Variants in ULK4 observed in about 807,000 individuals in gnomAD.
ULK4 encodes the protein unc-51 like kinase 4.
A neutral mutation model predicts 160.6 loss-of-function variants in ULK4; 133 were observed. That is an observed-to-expected ratio of 0.83 (90% CI 0.72 to 0.96). The LOEUF is 0.96. ULK4 is among the 40% of genes least tolerant of loss of function. The pLI, the probability that ULK4 is intolerant of heterozygous loss-of-function variation, is 0.00. For synonymous variants in ULK4, 534 were observed against 539.8 expected (o/e 0.99, Z 0.15); for missense variants, 1,580 against 1,499.5 (o/e 1.05, Z -0.89).
chr3:41,591,681 T>C (rs1275102137), intron 31 of ULK4, among the ~76,000 whole-genome samples: 2 of 152,216 alleles, frequency 1.3e-5, no homozygotes, highest in African/African-American at 2.4e-5. Flanking sequence ...TTAAATTTCT[T>C]TAACTGGATA....
chr3:41,892,404 C>T (rs1697998697), intron 16 of ULK4, among the ~76,000 whole-genome samples: 1 of 152,230 alleles, frequency 6.6e-6, no homozygotes, highest in African/African-American at 2.4e-5. Flanking sequence ...CTAATGTTCA[C>T]AGCAGCATTG....
intron 35 of ULK4, among the ~76,000 whole-genome samples, chr3:41,397,478 G>C (rs1015278206): frequency 3.3e-5 from 5 of 152,154 alleles, no homozygotes; most frequent in African/African-American, 1.2e-4. Flanking sequence ...GATGGATTGA[G>C]AAGGACCAAT....
intron 11 of ULK4, 40 bp from the exon 12 acceptor site, chr3:41,907,981 C>T (rs746289930): frequency 6.9e-7 from 1 of 1,445,048 alleles, no homozygotes; most frequent in Non-Finnish European, 9.4e-7. Context: ...CAATTCCAGA[C>T]AGTTTATTCT....
intron 1 of ULK4, among the ~76,000 whole-genome samples, 168 bp from the exon 2 acceptor site, chr3:41,954,975 G>C (rs985261607): frequency 1.3e-5 from 2 of 152,194 alleles, no homozygotes; most frequent in South Asian, 4.1e-4. Context: ...TTTGCAGGAT[G>C]AACGAAACTA....
intron 17 of ULK4, among the ~76,000 whole-genome samples, chr3:41,846,786 C>G (rs1329129943): frequency 3.7e-5 from 5 of 136,914 alleles, no homozygotes; most frequent in African/African-American, 1.5e-4. Context: ...GCCTGGGCGA[C>G]AGAGCGAGAC....
Position 41,789,833 on chromosome 3 carries a change from C to T in ULK4, c.2021G>A (p.Arg674Lys). Residue 674 changes from arginine (R) to lysine (K), a missense_variant, in exon 21 of 37, where the codon AGA becomes AAA. Arg to Lys is a conservative substitution (Grantham distance 26). Transcript: ENST00000301831. ...GGCAGTAGGAGAATGGCGAGTGATT[C>T]TACACAAGGCCTACAAAGACAAGAG... ...LRITAVSALC[R>K]ITRHSPTAFQ... 1 of 1,607,172 alleles carries T rather than the reference C, an allele frequency of 6.2e-7. No homozygotes were observed. The highest frequency in any genetic ancestry group is 8.5e-7 in the Non-Finnish European group (1 of 1,177,048).
chr3:41,875,665 CA>C (rs1001969972), intron 17 of ULK4, among the ~76,000 whole-genome samples: 1 of 151,612 alleles, frequency 6.6e-6, no homozygotes, highest in African/African-American at 2.4e-5. Context: ...AGAGAAAATG[CA>C]ATGGCAATTA....
At chr3:41,557,474 G>T (rs954274291) in intron 32 of ULK4, among the ~76,000 whole-genome samples, 1 of 151,888 alleles carries the variant, frequency 6.6e-6, no homozygotes, top group Non-Finnish European at 1.5e-5. Context: ...TAAAACAACA[G>T]ATTGCGGCCA....
At position 41,553,191 on chromosome 3, in the gene ULK4, A is replaced by C. The variant is rs117289906; in HGVS notation, c.3226+12834T>G. ...AGATAATTCTTCAGGACATTGGTCT[A>C]GGCAAAGATTTTATGGCTAAGACAT... On this transcript the variant is annotated intron_variant, in intron 32 of 36. Coordinates refer to ENST00000301831, the MANE Select transcript of ULK4 (RefSeq NM_017886.4). Among the ~76,000 whole-genome samples the C allele has an allele frequency of 5.8e-4, 88 of 152,160 alleles. No homozygotes were observed. The East Asian group carries it at 0.014, about 24-fold the overall frequency.
rs578150143 is a variant in ULK4 at position 41,549,042 on chromosome 3, A to C, written c.3226+16983T>G. Among the ~76,000 whole-genome samples, 6 of 152,328 alleles carry C rather than the reference A, an allele frequency of 3.9e-5. No individual in the cohort carries two copies. The East Asian group carries it at 9.6e-4, about 24-fold the overall frequency. ...ACACTACAGATACATCTACAGGAAA[A>C]AAGTCTTCCCCTAAGAAACCCAATC... On this transcript the variant is annotated intron_variant, in intron 32 of 36. Coordinates refer to ENST00000301831, the MANE Select transcript of ULK4 (RefSeq NM_017886.4).
At chr3:41,798,171 G>A (rs951667124) in intron 20 of ULK4, among the ~76,000 whole-genome samples, 2 of 151,626 alleles carry the variant, frequency 1.3e-5, no homozygotes, top group Non-Finnish European at 2.9e-5. Flanking sequence ...GGGAACTATT[G>A]AAAAAAAACT....
At chr3:41,573,137 A>C (rs1373120625) in intron 31 of ULK4, among the ~76,000 whole-genome samples, 1 of 152,256 alleles carries the variant, frequency 6.6e-6, no homozygotes, top group Non-Finnish European at 1.5e-5. Flanking sequence ...TTGCCAGTAG[A>C]GATCATTAGA....
intron 21 of ULK4, 68 bp from the exon 22 acceptor site, chr3:41,754,556 T>C (rs2038734982): frequency 6.6e-7 from 1 of 1,509,142 alleles, no homozygotes; most frequent in Non-Finnish European, 9.0e-7. Context: ...ATTCTCAGAG[T>C]GAACAGACTA....
chr3:41,387,306 T>C (rs957313989), intron 35 of ULK4, among the ~76,000 whole-genome samples: 4 of 152,154 alleles, frequency 2.6e-5, no homozygotes, highest in South Asian at 2.1e-4. Context: ...ACTATAGTCA[T>C]CCTACAACGG....
At chr3:41,606,856 A>C (rs974372099) in intron 31 of ULK4, among the ~76,000 whole-genome samples, 1 of 152,132 alleles carries the variant, frequency 6.6e-6, no homozygotes, top group Admixed American at 6.5e-5. Context: ...CATTCTGGAC[A>C]TTAGTCCCTT....
At chr3:41,635,234 CTG>C (rs2033900987) in intron 30 of ULK4, among the ~76,000 whole-genome samples, 1 of 152,102 alleles carries the variant, frequency 6.6e-6, no homozygotes, top group Admixed American at 6.6e-5. Flanking sequence ...AAAAATAAGA[CTG>C]ATGATCAACT....
intron 32 of ULK4, among the ~76,000 whole-genome samples, chr3:41,486,649 T>C (rs2084547671): frequency 6.6e-6 from 1 of 152,164 alleles, no homozygotes; most frequent in Admixed American, 6.5e-5. Context: ...TTTCTATAGT[T>C]GGTCCTGAGT....
intron 30 of ULK4, among the ~76,000 whole-genome samples, chr3:41,662,663 G>C (rs1253674476): frequency 6.6e-6 from 1 of 152,150 alleles, no homozygotes; most frequent in African/African-American, 2.4e-5. Context: ...TAGGTCTGGA[G>C]ATGCACTGCA....
intron 12 of ULK4, among the ~76,000 whole-genome samples, chr3:41,906,440 G>C (rs76105287): frequency 2.4e-3 from 365 of 152,072 alleles, no homozygotes; most frequent in African/African-American, 7.8e-3. Flanking sequence ...AAGGCAGGAC[G>C]ACCACTGGAG....
Sources: allele counts gnomAD v4.1 joint callset (sites outside exome capture counted in the v4.1 genomes callset), GRCh38; gene constraint gnomAD v4.1.1; transcripts MANE v1.5; gene names NCBI Gene and HGNC (gene_info 2026-07-23, HGNC 2026-07-21).